Variants in HUNK observed in about 807,000 individuals in gnomAD.
The protein encoded by HUNK is hormonally up-regulated Neu-associated kinase.
HUNK carries 21 observed loss-of-function variants against 61.0 expected under a neutral mutation model. The ratio of observed to expected loss-of-function variants is 0.34; its 90% CI spans 0.24 to 0.50. The LOEUF is 0.50. Among genes scored for constraint, HUNK ranks in the 20% least tolerant of loss-of-function variants. The pLI, the probability that HUNK is intolerant of heterozygous loss-of-function variation, is 0.98. For missense variants in HUNK, 772 were observed against 945.7 expected, an observed-to-expected ratio of 0.82 and a Z score of 2.41; for synonymous variants, 371 against 386.1, an observed-to-expected ratio of 0.96 and a Z score of 0.46.
At chr21:31,931,433 G>T (rs1361764345) in intron 2 of HUNK, among the ~76,000 whole-genome samples, 1 of 152,102 alleles carries the variant, frequency 6.6e-6, no homozygotes, top group African/African-American at 2.4e-5. Context: ...AAATGGAGTG[G>T]CCCGCAAAGC....
At chr21:31,900,446 A>AACAC (rs3138690) in intron 1 of HUNK, among the ~76,000 whole-genome samples, 1,479 of 143,078 alleles carry the variant, frequency 0.01, 4 homozygotes, top group African/African-American at 0.016. Flanking sequence ...TAGTTACTGA[A>AACAC]ACACACACAC....
chr21:31,908,305 T>TAG (rs2052521598), intron 1 of HUNK, among the ~76,000 whole-genome samples: 1 of 151,912 alleles, frequency 6.6e-6, no homozygotes, highest in Admixed American at 6.6e-5. Context: ...AATCTGGACT[T>TAG]TATTTAGACG....
At chr21:31,916,174 C>T (rs1215754473) in intron 1 of HUNK, among the ~76,000 whole-genome samples, 2 of 151,470 alleles carry the variant, frequency 1.3e-5, no homozygotes, top group South Asian at 4.2e-4. Flanking sequence ...CCTCAGCCTC[C>T]CGAGTAGCTG....
At chr21:31,908,247 G>A (rs2052521141) in intron 1 of HUNK, among the ~76,000 whole-genome samples, 1 of 152,004 alleles carries the variant, frequency 6.6e-6, no homozygotes, top group Non-Finnish European at 1.5e-5. Flanking sequence ...GTGGGAGTGG[G>A]GGCGTGCTGG....
At chr21:31,911,164 G>A (rs1411531715) in intron 1 of HUNK, among the ~76,000 whole-genome samples, 1 of 152,192 alleles carries the variant, frequency 6.6e-6, no homozygotes, top group Admixed American at 6.5e-5. Context: ...TACTCATTGA[G>A]CGCCGCCTGT....
At chr21:31,912,026 C>A (rs2123806989) in intron 1 of HUNK, among the ~76,000 whole-genome samples, 1 of 152,296 alleles carries the variant, frequency 6.6e-6, no homozygotes, top group Non-Finnish European at 1.5e-5. Flanking sequence ...TACTTTCTAG[C>A]ATTGGCATTT....
chr21:31,973,983 C>G (rs982724331), intron 6 of HUNK, among the ~76,000 whole-genome samples: 3 of 152,174 alleles, frequency 2.0e-5, no homozygotes, highest in Admixed American at 2.0e-4. Flanking sequence ...CTGAACCCCC[C>G]ATGTATGAAC....
chr21:31,922,403 T>G (rs1032798610), intron 1 of HUNK, among the ~76,000 whole-genome samples: 2 of 151,542 alleles, frequency 1.3e-5, no homozygotes, highest in African/African-American at 4.9e-5. Flanking sequence ...CTTGGCTCAC[T>G]GCAACTTCTA....
At chr21:31,898,450 A>G (rs1246208801) in intron 1 of HUNK, among the ~76,000 whole-genome samples, 2 of 152,082 alleles carry the variant, frequency 1.3e-5, no homozygotes, top group African/African-American at 2.4e-5. Context: ...TATTTTTAGT[A>G]GAGACAGGGT....
chr21:31,967,111 G>A (rs2052972606), intron 5 of HUNK, among the ~76,000 whole-genome samples: 1 of 152,130 alleles, frequency 6.6e-6, no homozygotes, highest in South Asian at 2.1e-4. Context: ...CACTTTGGGA[G>A]GCTGAGGCAG....
intron 3 of HUNK, among the ~76,000 whole-genome samples, chr21:31,945,755 A>T (rs2052798072): frequency 6.6e-6 from 1 of 152,064 alleles, no homozygotes; most frequent in Admixed American, 6.6e-5. Flanking sequence ...GATTGGATGG[A>T]AATAGGTTTT....
chr21:31,940,176 T>C lies in HUNK; in HGVS notation c.566T>C (p.Ile189Thr). 6.3e-7 allele frequency: 1 copy of C among 1,597,022 alleles called. No homozygotes were observed. Among genetic ancestry groups the C allele is most frequent in the South Asian group, 1.1e-5 (1 of 87,386 alleles). The change falls in exon 3 of 11, where the codon ATA (isoleucine) becomes ACA (threonine). Residue 189 changes from isoleucine (I) to threonine (T), a missense_variant. Ile to Thr is a moderately conservative substitution (Grantham distance 89, BLOSUM62 -1). Around this residue, in one of 2 missense-constraint regions of HUNK, gnomAD observed 359 missense variants for 501.3 expected, o/e 0.72. Coordinates refer to ENST00000270112, the MANE Select transcript of HUNK (RefSeq NM_014586.2). ...RAGVVHRDLK[I>T]ENLLLDEDNN... is the part of the protein sequence containing the mutation. The stretch of plus-strand genomic sequence containing the variant: ...TTTGTTTATTTCAGAGACTTGAAGA[T>C]AGAGAATTTGCTACTAGATGAAGAC...
intron 1 of HUNK, among the ~76,000 whole-genome samples, chr21:31,891,365 A>G (rs2052386607): frequency 6.6e-6 from 1 of 152,270 alleles, no homozygotes; most frequent in Non-Finnish European, 1.5e-5. Flanking sequence ...CGACAGAGTG[A>G]GACTGTGTCT....
At chr21:31,909,429 T>C (rs1246639345) in intron 1 of HUNK, among the ~76,000 whole-genome samples, 3 of 152,200 alleles carry the variant, frequency 2.0e-5, no homozygotes, top group Non-Finnish European at 4.4e-5. Flanking sequence ...TTCCCAGCCC[T>C]GCGTTGGGAG....
Position 31,906,140 on chromosome 21 carries a change from C to T in HUNK, c.262-18328C>T, listed in dbSNP as rs144693268. Among the ~76,000 whole-genome samples the T allele has an allele frequency of 2.9e-3, 436 of 152,196 alleles. 3 individuals carry two copies. The highest frequency in any genetic ancestry group is 1.0e-2 in the African/African-American group (414 of 41,512). The stretch of plus-strand genomic sequence containing the variant: ...TCCACTGTGTTGTTATTATTGTTGG[C>T]TCAGTTTTAGCTACAATTAATGGAT... On this transcript the variant is annotated intron_variant, in intron 1 of 10. Coordinates refer to ENST00000270112, the MANE Select transcript of HUNK (RefSeq NM_014586.2).
intron 4 of HUNK, among the ~76,000 whole-genome samples, chr21:31,950,028 G>A (rs1160282768): frequency 6.6e-6 from 1 of 152,204 alleles, no homozygotes; most frequent in Non-Finnish European, 1.5e-5. Context: ...GTGTGACAGA[G>A]CCACGATTTG....
chr21:31,963,145 A>G (rs1022732335), intron 5 of HUNK, among the ~76,000 whole-genome samples: 16 of 152,364 alleles, frequency 1.1e-4, no homozygotes, highest in Middle Eastern at 3.4e-3. Context: ...GTTTACCAGT[A>G]ACATGAGTAG....
intron 1 of HUNK, among the ~76,000 whole-genome samples, chr21:31,887,917 C>T (rs1034569190): frequency 2.6e-5 from 4 of 152,034 alleles, no homozygotes; most frequent in African/African-American, 9.7e-5. Flanking sequence ...GAAATGGGTA[C>T]ATGGTTTTTG....
chr21:31,968,195 T>C, intron 5 of HUNK, 55 bp from the exon 6 acceptor site: 1 of 1,608,650 alleles, frequency 6.2e-7, no homozygotes, highest in Non-Finnish European at 8.5e-7. Flanking sequence ...TGGCTTTCAC[T>C]GGTGTCTGCG....
Sources: allele counts gnomAD v4.1 joint callset (sites outside exome capture counted in the v4.1 genomes callset), GRCh38; gene constraint gnomAD v4.1.1; regional missense constraint gnomAD v4.1.1; transcripts MANE v1.5; gene names NCBI Gene and HGNC (gene_info 2026-07-23, HGNC 2026-07-21).